DOCK1: variants seen among roughly 807,000 people sequenced by gnomAD.
The protein encoded by DOCK1 is dedicator of cytokinesis protein 1.
Under a neutral mutation model 262.7 loss-of-function variants are expected in DOCK1, and 138 were observed. The ratio of observed to expected loss-of-function variants is 0.53; its 90% CI spans 0.46 to 0.61. DOCK1 has a LOEUF of 0.61. Ranked by LOEUF, DOCK1 falls within the 20% of genes least tolerant of loss-of-function variation. The pLI, the probability that DOCK1 is intolerant of heterozygous loss-of-function variation, is 0.00. For synonymous variants in DOCK1, 866 were observed against 867.4 expected, an observed-to-expected ratio of 1.00 and a Z score of 0.03; for missense variants, 1,908 against 2,370.7, an observed-to-expected ratio of 0.80 and a Z score of 4.05.
chr10:126,933,576 G>C (rs2034338949), intron 1 of DOCK1, among the ~76,000 whole-genome samples: 1 of 152,136 alleles, frequency 6.6e-6, no homozygotes, highest in South Asian at 2.1e-4. Context: ...GGGGTAAAAA[G>C]ATGGAGGAAG....
chr10:127,190,147 A>G (rs756792793), intron 27 of DOCK1, among the ~76,000 whole-genome samples: 2 of 152,236 alleles, frequency 1.3e-5, no homozygotes, highest in Admixed American at 6.5e-5. Flanking sequence ...CACCAAATTC[A>G]AAGACATTCT....
intron 16 of DOCK1, among the ~76,000 whole-genome samples, chr10:127,029,823 C>T (rs1001955522): frequency 1.4e-4 from 22 of 152,286 alleles, no homozygotes; most frequent in East Asian, 1.2e-3. Context: ...TATTGTCACA[C>T]ATCCTTCTGA....
At chr10:127,177,553 G>A (rs1009679954) in intron 27 of DOCK1, among the ~76,000 whole-genome samples, 7 of 152,208 alleles carry the variant, frequency 4.6e-5, no homozygotes, top group African/African-American at 1.7e-4. Flanking sequence ...GGGTGTACGG[G>A]GCCCGAGTGG....
At chr10:127,343,487 C>T (rs536535610) in intron 30 of DOCK1, among the ~76,000 whole-genome samples, 159 bp from the exon 31 acceptor site, 14 of 152,076 alleles carry the variant, frequency 9.2e-5, no homozygotes, top group Middle Eastern at 3.4e-3. Flanking sequence ...TGAATTACAC[C>T]GTGGGTGGCT....
At chr10:127,114,637 C>CT (rs59175816) in intron 25 of DOCK1, among the ~76,000 whole-genome samples, 140,939 of 152,142 alleles carry the variant, frequency 0.93, 65,782 homozygotes, top group Non-Finnish European at 0.98. Flanking sequence ...TTGGCTATAC[C>CT]TTTGGCTAAA....
Position 127,213,751 on chromosome 10 carries a change from C to T in DOCK1, c.2848-34257C>T, listed in dbSNP as rs141408266. On this transcript the variant is annotated intron_variant, in intron 27 of 51. Transcript: ENST00000623213. ...GAAACACACTTTGGGAAATGACGCTCCTTTGGCTGTGTAGCGCACAAGGGG... is the reference window on the plus strand; with the variant it reads ...GAAACACACTTTGGGAAATGACGCTTCTTTGGCTGTGTAGCGCACAAGGGG... Among the ~76,000 whole-genome samples, 71 of 152,326 alleles carry T rather than the reference C, an allele frequency of 4.7e-4. No individual in the cohort carries two copies. The East Asian group carries it at 0.014, about 29-fold the overall frequency.
At chr10:127,111,359 G>C (rs1261881743) in intron 25 of DOCK1, among the ~76,000 whole-genome samples, 3 of 152,158 alleles carry the variant, frequency 2.0e-5, no homozygotes, top group Non-Finnish European at 4.4e-5. Context: ...ATCAAACCAA[G>C]AAGTGGGTGA....
At chr10:127,112,215 T>C (rs1258713009) in intron 25 of DOCK1, among the ~76,000 whole-genome samples, 7 of 152,178 alleles carry the variant, frequency 4.6e-5, no homozygotes, top group Admixed American at 4.6e-4. Flanking sequence ...TTTCACCATG[T>C]TGGTCAGGCT....
intron 47 of DOCK1, 113 bp downstream of exon 47, chr10:127,426,124 T>G (rs758160268): frequency 1.7e-4 from 263 of 1,528,660 alleles, no homozygotes; most frequent in Non-Finnish European, 2.0e-4. Flanking sequence ...TGGTGCCCGC[T>G]TAGGAAGTGG....
At chr10:127,216,066 G>T (rs1403832362) in intron 27 of DOCK1, among the ~76,000 whole-genome samples, 1 of 152,062 alleles carries the variant, frequency 6.6e-6, no homozygotes, top group African/African-American at 2.4e-5. Context: ...GCTTTGCCAG[G>T]ACCGGGCCTT....
At chr10:127,039,556 AC>A (rs368116584) in intron 19 of DOCK1, among the ~76,000 whole-genome samples, 51 of 152,124 alleles carry the variant, frequency 3.4e-4, no homozygotes, top group African/African-American at 1.2e-3. Flanking sequence ...AGCCTGGGTG[AC>A]CTGTCCAGCC....
At chr10:127,440,496 A>T (rs1451722732) in intron 49 of DOCK1, among the ~76,000 whole-genome samples, 1 of 152,192 alleles carries the variant, frequency 6.6e-6, no homozygotes, top group African/African-American at 2.4e-5. Flanking sequence ...TCAAAGGTGA[A>T]GTCAGGATTG....
chr10:127,391,787 G>A (rs1451976974), intron 38 of DOCK1, among the ~76,000 whole-genome samples: 1 of 152,022 alleles, frequency 6.6e-6, no homozygotes, highest in Admixed American at 6.6e-5. Flanking sequence ...GGGTCTGTCT[G>A]AGATCCCTAC....
chr10:127,131,865 T>G (rs955317570), intron 27 of DOCK1, among the ~76,000 whole-genome samples: 2 of 152,240 alleles, frequency 1.3e-5, no homozygotes, highest in African/African-American at 4.8e-5. Flanking sequence ...TACTCATTTT[T>G]GCTAAATATA....
chr10:127,262,144 G>T (rs1269398641), intron 29 of DOCK1, among the ~76,000 whole-genome samples: 2 of 148,482 alleles, frequency 1.3e-5, no homozygotes, highest in Non-Finnish European at 3.0e-5. Context: ...GTGCTCGTCT[G>T]TGTGTGTACC....
At chr10:127,413,865 C>T (rs1476221618) in intron 43 of DOCK1, among the ~76,000 whole-genome samples, 6 of 152,034 alleles carry the variant, frequency 3.9e-5, no homozygotes, top group Non-Finnish European at 7.4e-5. Flanking sequence ...TCCTATGGAA[C>T]GTAAGAAGTT....
At chr10:127,042,240 G>T (rs2044066732) in intron 19 of DOCK1, among the ~76,000 whole-genome samples, 1 of 152,140 alleles carries the variant, frequency 6.6e-6, no homozygotes, top group Non-Finnish European at 1.5e-5. Flanking sequence ...TCCCTGTGTG[G>T]CTTCTGCCCA....
At chr10:126,956,553 G>T (rs908370599) in intron 1 of DOCK1, among the ~76,000 whole-genome samples, 29 of 152,248 alleles carry the variant, frequency 1.9e-4, no homozygotes, top group Admixed American at 4.6e-4. Context: ...CCGCCCACGT[G>T]CCTTGCTGGG....
chr10:127,377,580 T>G (rs978588815), intron 35 of DOCK1, among the ~76,000 whole-genome samples: 1 of 152,126 alleles, frequency 6.6e-6, no homozygotes, highest in Non-Finnish European at 1.5e-5. Context: ...GGCTCCTTCA[T>G]GTCCTATTTT....
Sources: gnomAD v4.1 joint callset for allele counts (sites outside exome capture counted in the v4.1 genomes callset) on GRCh38, gnomAD v4.1.1 for gene constraint, MANE v1.5 for transcripts, NCBI Gene and HGNC (gene_info 2026-07-23, HGNC 2026-07-21) for gene names.